The following CCDC178 variants were observed in gnomAD, a reference collection of about 807,000 sequenced individuals.
CCDC178 encodes the protein coiled-coil domain containing 178.
Under a neutral mutation model 117.4 loss-of-function variants are expected in CCDC178, and 126 were observed. That is an observed-to-expected ratio of 1.07 (90% CI 0.93 to 1.24). The LOEUF is 1.24. CCDC178 is among the 50% of genes most tolerant of loss of function. The probability of loss-of-function intolerance (pLI) is 0.00; values close to 1 mark genes in which losing one functional copy is unlikely to be tolerated. For missense variants in CCDC178, 1,030 were observed against 986.9 expected (o/e 1.04, Z -0.59); for synonymous variants, 283 against 313.4 (o/e 0.90, Z 1.02).
intron 15 of CCDC178, among the ~76,000 whole-genome samples, chr18:33,237,703 C>T (rs1382690656): frequency 6.6e-6 from 1 of 152,160 alleles, no homozygotes; most frequent in Non-Finnish European, 1.5e-5. Context: ...TGAGAAACGG[C>T]CCCACAGGCC....
intron 21 of CCDC178, among the ~76,000 whole-genome samples, chr18:33,058,286 C>A (rs745489816): frequency 1.3e-5 from 2 of 152,212 alleles, no homozygotes; most frequent in Non-Finnish European, 2.9e-5. Context: ...AAAATGTGAT[C>A]TATCCATGCA....
At chr18:33,360,039 T>C (rs2063104611) in intron 6 of CCDC178, among the ~76,000 whole-genome samples, 1 of 151,396 alleles carries the variant, frequency 6.6e-6, no homozygotes, top group Non-Finnish European at 1.5e-5. Context: ...AAGAAAATAA[T>C]TAACCTTATG....
At chr18:33,235,691 G>A (rs745609373) in intron 15 of CCDC178, among the ~76,000 whole-genome samples, 1 of 152,068 alleles carries the variant, frequency 6.6e-6, no homozygotes, top group Non-Finnish European at 1.5e-5. Context: ...AACCCTTCGA[G>A]ATTATGCAGC....
intron 2 of CCDC178, among the ~76,000 whole-genome samples, chr18:33,424,662 C>T (rs544927788): frequency 2.0e-5 from 3 of 152,260 alleles, no homozygotes; most frequent in South Asian, 4.1e-4. Flanking sequence ...CACGGCACGG[C>T]CCAGAGGGAG....
intron 21 of CCDC178, among the ~76,000 whole-genome samples, chr18:33,062,847 C>T (rs2056947235): frequency 6.6e-6 from 1 of 152,090 alleles, no homozygotes; most frequent in Admixed American, 6.5e-5. Flanking sequence ...CTGATATCTC[C>T]CCACATTCAC....
intron 15 of CCDC178, among the ~76,000 whole-genome samples, chr18:33,234,925 G>A (rs1486141173): frequency 6.6e-6 from 1 of 152,074 alleles, no homozygotes; most frequent in Non-Finnish European, 1.5e-5. Flanking sequence ...GTCTTATCTG[G>A]AATTCTTATA....
intron 14 of CCDC178, among the ~76,000 whole-genome samples, chr18:33,259,157 T>C (rs2059713218): frequency 6.6e-6 from 1 of 152,146 alleles, no homozygotes; most frequent in Admixed American, 6.5e-5. Flanking sequence ...GCCATATTAC[T>C]TCAAAGAGAA....
chr18:33,279,882 GA>G (rs2059999459), intron 12 of CCDC178, among the ~76,000 whole-genome samples: 1 of 152,096 alleles, frequency 6.6e-6, no homozygotes, highest in Non-Finnish European at 1.5e-5. Context: ...ATGGTACTGG[GA>G]AAACTGGCTA....
At chr18:32,973,106 T>C (rs1474282072) in intron 22 of CCDC178, among the ~76,000 whole-genome samples, 5 of 152,010 alleles carry the variant, frequency 3.3e-5, no homozygotes, top group African/African-American at 9.7e-5. Context: ...TGGTAAACAA[T>C]ATGTTGGTGA....
chr18:33,313,702 CTTG>C (rs2062373796), intron 11 of CCDC178, among the ~76,000 whole-genome samples: 1 of 152,182 alleles, frequency 6.6e-6, no homozygotes, highest in African/African-American at 2.4e-5. Flanking sequence ...ACTTGCCCCA[CTTG>C]CTATGTTAAT....
intron 20 of CCDC178, among the ~76,000 whole-genome samples, chr18:33,121,774 G>C (rs1009606725): frequency 6.6e-6 from 1 of 152,098 alleles, no homozygotes; most frequent in Non-Finnish European, 1.5e-5. Flanking sequence ...CTGCAGAGTT[G>C]TGAGCATCAG....
At chr18:33,250,715 A>T (rs558312208) in intron 14 of CCDC178, among the ~76,000 whole-genome samples, 3 of 151,838 alleles carry the variant, frequency 2.0e-5, no homozygotes, top group South Asian at 2.1e-4. Flanking sequence ...GACAGGAAAT[A>T]GGATAGATAG....
intron 12 of CCDC178, among the ~76,000 whole-genome samples, chr18:33,286,197 G>A (rs1438846975): frequency 2.6e-5 from 4 of 151,952 alleles, no homozygotes; most frequent in Middle Eastern, 3.2e-3. Context: ...GGCTGGTCTC[G>A]AACTCCTGAC....
chr18:33,393,700 C>A (rs1326818582), intron 4 of CCDC178, among the ~76,000 whole-genome samples: 1 of 152,114 alleles, frequency 6.6e-6, no homozygotes. Flanking sequence ...TATATTATTG[C>A]ATAACTACAG....
chr18:33,223,799 C>T (rs1389430914), intron 17 of CCDC178, among the ~76,000 whole-genome samples: 5 of 152,036 alleles, frequency 3.3e-5, no homozygotes, highest in Non-Finnish European at 7.4e-5. Flanking sequence ...TAAGGGGGAG[C>T]CATCATTAAA....
chr18:33,269,785 T>C (rs2059864474), intron 12 of CCDC178, among the ~76,000 whole-genome samples: 1 of 151,800 alleles, frequency 6.6e-6, no homozygotes, highest in Non-Finnish European at 1.5e-5. Flanking sequence ...GAAAATATGA[T>C]ATCCAGTATA....
At chr18:33,076,981 T>C (rs566696659) in intron 21 of CCDC178, among the ~76,000 whole-genome samples, 2 of 152,342 alleles carry the variant, frequency 1.3e-5, no homozygotes, top group East Asian at 3.9e-4. Context: ...GAGGTACTTA[T>C]CTGCCTGAAC....
chr18:33,266,497 T>A (rs535533042), intron 14 of CCDC178, among the ~76,000 whole-genome samples: 91 of 151,014 alleles, frequency 6.0e-4, no homozygotes, highest in African/African-American at 2.1e-3. Context: ...AAGATAAGGC[T>A]GTGTAAAGCT....
chr18:33,352,768 G>GA (rs1158032619), intron 7 of CCDC178, among the ~76,000 whole-genome samples: 5 of 151,944 alleles, frequency 3.3e-5, no homozygotes, highest in African/African-American at 9.7e-5. Context: ...TATTGGGTCA[G>GA]AAAAAAATAC....
Sources: allele counts gnomAD v4.1 joint callset (sites outside exome capture counted in the v4.1 genomes callset), GRCh38; gene constraint gnomAD v4.1.1; transcripts MANE v1.5; gene names NCBI Gene and HGNC (gene_info 2026-07-23, HGNC 2026-07-21).